The following SHANK2 variants were observed in gnomAD, a reference collection of about 807,000 sequenced individuals.
The protein encoded by SHANK2 is SH3 and multiple ankyrin repeat domains protein 2.
Under a neutral mutation model 133.7 loss-of-function variants are expected in SHANK2, and 43 were observed. The observed-to-expected ratio is 0.32, with a 90% CI of 0.25 to 0.41. The LOEUF is 0.41. Ranked by LOEUF, SHANK2 falls within the 10% of genes least tolerant of loss-of-function variation. SHANK2 has a pLI of 1.00. For missense variants in SHANK2, 1,994 were observed against 2,235.8 expected, an observed-to-expected ratio of 0.89 and a Z score of 2.18; for synonymous variants, 1,017 against 952.8, an observed-to-expected ratio of 1.07 and a Z score of -1.24.
intron 11 of SHANK2, among the ~76,000 whole-genome samples, chr11:70,836,687 G>A (rs112346578): frequency 3.5e-4 from 53 of 152,242 alleles, no homozygotes; most frequent in African/African-American, 9.9e-4. Flanking sequence ...CCAACGCCTG[G>A]GTGTCTCAGG....
intron 2 of SHANK2, among the ~76,000 whole-genome samples, chr11:71,162,294 ACATGG>A (rs1282812213): frequency 6.6e-6 from 1 of 152,246 alleles, no homozygotes; most frequent in Admixed American, 6.5e-5. Flanking sequence ...AAAGGGCATC[ACATGG>A]TGAGAGGGTG....
chr11:70,605,983 G>A (rs74600223), intron 17 of SHANK2, among the ~76,000 whole-genome samples: 7,873 of 152,148 alleles, frequency 0.052, 288 homozygotes, highest in East Asian at 0.23. Flanking sequence ...ATGGCATGAA[G>A]TACCCTCAGT....
chr11:71,231,143 G>T (rs1484023155), intron 1 of SHANK2, among the ~76,000 whole-genome samples: 1 of 152,126 alleles, frequency 6.6e-6, no homozygotes, highest in Non-Finnish European at 1.5e-5. Context: ...TAGAGTGGGA[G>T]AAAAATGTCT....
intron 17 of SHANK2, among the ~76,000 whole-genome samples, chr11:70,637,660 G>C (rs1274541332): frequency 1.3e-5 from 2 of 152,264 alleles, no homozygotes; most frequent in East Asian, 3.8e-4. Flanking sequence ...TAGGCACTGG[G>C]AGTGAGGCTG....
At position 71,219,445 on chromosome 11, in the gene SHANK2, T is replaced by C. The variant is rs557081269; in HGVS notation, c.-13+5252A>G. Among the ~76,000 whole-genome samples the C allele has an allele frequency of 5.1e-4, 78 of 152,278 alleles. 2 individuals carry two copies. Among genetic ancestry groups the C allele is most frequent in the Admixed American group, 2.5e-3 (38 of 15,292 alleles). On this transcript the variant is annotated intron_variant, in intron 2 of 25. Transcript: ENST00000601538. Reference sequence around the variant, plus strand: ...ACAACTCAAAAATAGGCAAAGAACTTGAATAGACATTTTTCTGAAGATATT... The same window carrying C: ...ACAACTCAAAAATAGGCAAAGAACTCGAATAGACATTTTTCTGAAGATATT...
chr11:70,827,752 C>T (rs1040331933), intron 11 of SHANK2, among the ~76,000 whole-genome samples: 7 of 144,714 alleles, frequency 4.8e-5, no homozygotes, highest in South Asian at 2.2e-4. Context: ...CGAGACAAGA[C>T]GAGGAAAAAG....
chr11:71,211,560 TA>T (rs1954282960), intron 2 of SHANK2, among the ~76,000 whole-genome samples: 1 of 144,764 alleles, frequency 6.9e-6, no homozygotes, highest in African/African-American at 2.6e-5. Context: ...ATAAATACAA[TA>T]AATAAAATGT....
chr11:70,756,795 G>C (rs1946886207), intron 14 of SHANK2, among the ~76,000 whole-genome samples: 1 of 152,228 alleles, frequency 6.6e-6, no homozygotes, highest in Non-Finnish European at 1.5e-5. Flanking sequence ...TTTGTAAGCT[G>C]CTTTGTCTTT....
rs573825458 is a variant in SHANK2, at chr11:70,739,924, C to T, written c.1778-41161G>A. Among the ~76,000 whole-genome samples, 78 of 152,342 alleles carry T rather than the reference C, an allele frequency of 5.1e-4. No homozygotes were observed. In the Middle Eastern group the frequency reaches 0.017, roughly 33 times the overall value. ...GATGATGATCCCGAATCCTGGCATTCGGTGGCACGCAGGTAGGGCACAGAA... is the reference window on the plus strand; with the variant it reads ...GATGATGATCCCGAATCCTGGCATTTGGTGGCACGCAGGTAGGGCACAGAA... On this transcript the variant is annotated intron_variant, in intron 14 of 25. Coordinates refer to ENST00000601538, the MANE Select transcript of SHANK2 (RefSeq NM_012309.5). This position sits in a 1 kb window ranked among gnomAD's most constrained non-coding sequence, Gnocchi z 4.3.
chr11:70,812,317 A>C (rs1279709186), intron 12 of SHANK2, among the ~76,000 whole-genome samples: 1 of 152,266 alleles, frequency 6.6e-6, no homozygotes, highest in Non-Finnish European at 1.5e-5. Flanking sequence ...ACACGGTTGC[A>C]GGCAGTGATT....
At chr11:70,704,392 C>T (rs576781995) in intron 14 of SHANK2, among the ~76,000 whole-genome samples, 4 of 152,304 alleles carry the variant, frequency 2.6e-5, no homozygotes, top group South Asian at 2.1e-4. Context: ...GGGACACAGC[C>T]GCTTCCCTTC....
intron 7 of SHANK2, among the ~76,000 whole-genome samples, chr11:71,093,055 G>GGC (rs1465580630): frequency 2.1e-5 from 3 of 144,584 alleles, no homozygotes; most frequent in Admixed American, 1.4e-4. Context: ...AAATAAAGGG[G>GGC]GGGGGGGGCA....
chr11:70,692,831 T>C (rs1294608741), intron 15 of SHANK2, among the ~76,000 whole-genome samples: 1 of 152,252 alleles, frequency 6.6e-6, no homozygotes, highest in Non-Finnish European at 1.5e-5. Context: ...TGAGCAGGCA[T>C]ACTTTGCCAT....
intron 9 of SHANK2, among the ~76,000 whole-genome samples, chr11:71,059,366 G>A (rs1204412660): frequency 1.3e-5 from 2 of 152,082 alleles, no homozygotes; most frequent in African/African-American, 4.8e-5. Context: ...TGGTGGTGAT[G>A]GTCGATGGTG....
intron 17 of SHANK2, among the ~76,000 whole-genome samples, chr11:70,544,774 G>A (rs1303302432): frequency 2.6e-5 from 4 of 152,202 alleles, no homozygotes; most frequent in Non-Finnish European, 5.9e-5. Flanking sequence ...CGACAGAGGC[G>A]AGACCTCAGC....
At chr11:71,139,706 CAG>C (rs1222814077) in intron 3 of SHANK2, among the ~76,000 whole-genome samples, 2 of 152,142 alleles carry the variant, frequency 1.3e-5, no homozygotes, top group African/African-American at 4.8e-5. Context: ...TGAGAGGATG[CAG>C]AGAGGCTGCC....
At chr11:71,121,406 G>T (rs1157916514) in intron 3 of SHANK2, among the ~76,000 whole-genome samples, 1 of 152,234 alleles carries the variant, frequency 6.6e-6, no homozygotes, top group African/African-American at 2.4e-5. Context: ...TCATACAGGA[G>T]CAGGGTGGAC....
At chr11:70,690,488 G>GGTT (rs1945259050) in intron 15 of SHANK2, among the ~76,000 whole-genome samples, 2 of 32,802 alleles carry the variant, frequency 6.1e-5, no homozygotes, top group East Asian at 1.3e-3. Flanking sequence ...TACTTCCCAT[G>GGTT]TTTTTTTTTT....
At chr11:71,096,642 G>A (rs1299335603) in intron 6 of SHANK2, among the ~76,000 whole-genome samples, 5 of 152,180 alleles carry the variant, frequency 3.3e-5, no homozygotes, top group South Asian at 4.1e-4. Context: ...CAATATCGAC[G>A]CTGAACATTC....
Sources: gnomAD v4.1 joint callset for allele counts (sites outside exome capture counted in the v4.1 genomes callset) on GRCh38, gnomAD v4.1.1 for gene constraint, Gnocchi (gnomAD v3.1) non-coding constraint, MANE v1.5 for transcripts, NCBI Gene and HGNC (gene_info 2026-07-23, HGNC 2026-07-21) for gene names.